FBXO34: variants seen among roughly 807,000 people sequenced by gnomAD.
FBXO34 encodes F-box only protein 34.
In FBXO34, 12 loss-of-function variants were observed where a neutral mutation model predicts 24.5. That is an observed-to-expected ratio of 0.49 (90% CI 0.31 to 0.79). The LOEUF is 0.79. FBXO34 is among the 30% of genes least tolerant of loss of function. The pLI, the probability that FBXO34 is intolerant of heterozygous loss-of-function variation, is 0.04. For synonymous variants in FBXO34, 320 were observed against 311.9 expected, an observed-to-expected ratio of 1.03 and a Z score of -0.27; for missense variants, 823 against 857.7, an observed-to-expected ratio of 0.96 and a Z score of 0.51.
the FBXO34 span, among the ~76,000 whole-genome samples, chr14:55,428,318 A>T: frequency 6.6e-6 from 1 of 151,462 alleles, no homozygotes; most frequent in Non-Finnish European, 1.5e-5. Flanking sequence ...TTTAGTAGAG[A>T]CAGGGTTTCA....
the FBXO34 span, among the ~76,000 whole-genome samples, chr14:55,409,502 G>A: frequency 2.0e-5 from 3 of 152,110 alleles, no homozygotes; most frequent in Admixed American, 6.5e-5. Context: ...GGTTAAATAC[G>A]CATGAGGTTA....
the FBXO34 span, chr14:55,436,473 A>C: frequency 8.8e-7 from 1 of 1,130,124 alleles, no homozygotes; most frequent in Non-Finnish European, 1.3e-6. Context: ...TCTCTTCCCT[A>C]CTATTATCCT....
At chr14:55,389,181 G>T in the FBXO34 span, among the ~76,000 whole-genome samples, 2 of 152,184 alleles carry the variant, frequency 1.3e-5, no homozygotes, top group African/African-American at 2.4e-5. Flanking sequence ...GTGTTAAAAA[G>T]AGCTGATCAG....
chr14:55,335,415 T>C (rs1020718630), intron 1 of FBXO34: 9 of 152,204 alleles, frequency 5.9e-5, no homozygotes, highest in African/African-American at 2.2e-4. Context: ...TCCTGGGCAA[T>C]GGGAAACATT....
At chr14:55,390,195 T>G in the FBXO34 span, among the ~76,000 whole-genome samples, 124 of 150,160 alleles carry the variant, frequency 8.3e-4, no homozygotes, top group Middle Eastern at 3.6e-3. Flanking sequence ...CTCAGCCTCC[T>G]GAGTAGCTGG....
At position 55,352,838 on chromosome 14, in the gene FBXO34, G is replaced by A. The variant is rs1031448356; in HGVS notation, c.*312G>A. Reference sequence around the variant, plus strand: ...AGGATGAAGACTCACCACCATCCAGGACATTCAGAAGAGTTCACTGCAGAT... The same window carrying A: ...AGGATGAAGACTCACCACCATCCAGAACATTCAGAAGAGTTCACTGCAGAT... On this transcript the variant is annotated 3_prime_UTR_variant, in exon 2 of 2. Coordinates refer to ENST00000313833, the MANE Select transcript of FBXO34 (RefSeq NM_017943.4). The A allele has an allele frequency of 4.3e-5, 12 of 281,158 alleles. No homozygotes were observed. The highest frequency in any genetic ancestry group is 7.8e-5 in the Non-Finnish European group (11 of 140,532). 17.4% of individuals were successfully genotyped at this position (281,158 alleles called of 1,614,324 possible).
chr14:55,367,011 A>C (rs2140110237), intron 2 of FBXO34: 1 of 152,780 alleles, frequency 6.5e-6, no homozygotes, highest in East Asian at 1.9e-4. Flanking sequence ...TCGATCACTT[A>C]ACCCTATGTA....
chr14:55,405,768 T>G, the FBXO34 span, among the ~76,000 whole-genome samples: 9 of 152,148 alleles, frequency 5.9e-5, no homozygotes, highest in Non-Finnish European at 1.2e-4. Context: ...GTGTTGGAGG[T>G]ACTGCCTAAT....
At chr14:55,301,478 A>G (rs1566546617) in intron 1 of FBXO34, among the ~76,000 whole-genome samples, 1 of 152,098 alleles carries the variant, frequency 6.6e-6, no homozygotes, top group Non-Finnish European at 1.5e-5. Context: ...AATATTATAC[A>G]GCATCTAGCA....
chr14:55,384,893 A>G, the FBXO34 span, among the ~76,000 whole-genome samples: 1 of 152,154 alleles, frequency 6.6e-6, no homozygotes, highest in Admixed American at 6.5e-5. Flanking sequence ...AAAGATATAG[A>G]AATATTACAA....
intron 1 of FBXO34, among the ~76,000 whole-genome samples, chr14:55,308,410 G>A (rs1272674913): frequency 6.6e-6 from 1 of 152,198 alleles, no homozygotes; most frequent in African/African-American, 2.4e-5. Flanking sequence ...AATTTCTCAT[G>A]TAATTTATTA....
At chr14:55,418,441 G>T in the FBXO34 span, among the ~76,000 whole-genome samples, 1 of 152,172 alleles carries the variant, frequency 6.6e-6, no homozygotes, top group African/African-American at 2.4e-5. Flanking sequence ...TGCCACAGTC[G>T]TGTGTGTATA....
chr14:55,294,950 T>G (rs988013364), intron 1 of FBXO34, among the ~76,000 whole-genome samples: 1 of 152,126 alleles, frequency 6.6e-6, no homozygotes, highest in African/African-American at 2.4e-5. Context: ...CTAGCCTACC[T>G]TAAACATTCT....
intron 1 of FBXO34, among the ~76,000 whole-genome samples, chr14:55,314,699 GAAA>G (rs372788634): frequency 1.3e-5 from 2 of 151,904 alleles, no homozygotes; most frequent in African/African-American, 2.4e-5. Flanking sequence ...ACAAATGAAA[GAAA>G]AAAACCTTGT....
intron 1 of FBXO34, among the ~76,000 whole-genome samples, chr14:55,319,952 A>G (rs544248890): frequency 2.0e-5 from 3 of 152,278 alleles, no homozygotes; most frequent in East Asian, 3.9e-4. Flanking sequence ...GATTACAGGC[A>G]TGAGCCACCA....
chr14:55,401,546 A>C, the FBXO34 span, among the ~76,000 whole-genome samples: 1 of 152,212 alleles, frequency 6.6e-6, no homozygotes, highest in African/African-American at 2.4e-5. Flanking sequence ...TATTCACTAA[A>C]TTATTCCATA....
At chr14:55,392,745 A>G in the FBXO34 span, among the ~76,000 whole-genome samples, 1 of 152,290 alleles carries the variant, frequency 6.6e-6, no homozygotes, top group East Asian at 1.9e-4. Flanking sequence ...AGCTTAAAAC[A>G]ATGCTCAAAT....
chr14:55,421,060 CAAAAAAAAAAAA>C, the FBXO34 span, among the ~76,000 whole-genome samples: 1 of 107,590 alleles, frequency 9.3e-6, no homozygotes, highest in Admixed American at 1.1e-4. Flanking sequence ...GAATCTGTCT[CAAAAAAAAAAAA>C]AAAAAAGAAA....
chr14:55,392,784 TC>T, the FBXO34 span, among the ~76,000 whole-genome samples: 57 of 152,228 alleles, frequency 3.7e-4, no homozygotes, highest in Non-Finnish European at 5.6e-4. Flanking sequence ...ATCTAAGTAG[TC>T]TGATGGTAAG....
Sources: allele counts gnomAD v4.1 joint callset (sites outside exome capture counted in the v4.1 genomes callset), GRCh38; gene constraint gnomAD v4.1.1; transcripts MANE v1.5; gene names NCBI Gene and HGNC (gene_info 2026-07-23, HGNC 2026-07-21).